Variants in POLA1 observed in about 807,000 individuals in gnomAD.
The protein encoded by POLA1 is DNA polymerase alpha 1, catalytic subunit.
A neutral mutation model predicts 124.0 loss-of-function variants in POLA1; 15 were observed. That is an observed-to-expected ratio of 0.12 (90% CI 0.08 to 0.19). The LOEUF is 0.19. Ranked by LOEUF, POLA1 falls within the 10% of genes least tolerant of loss-of-function variation. The probability of loss-of-function intolerance (pLI) is 1.00; values close to 1 mark genes in which losing one functional copy is unlikely to be tolerated. For synonymous variants in POLA1, 408 were observed against 389.4 expected (o/e 1.05, Z -0.56); for missense variants, 886 against 1,103.4 (o/e 0.80, Z 2.79).
chrX:24,855,120 TAAATA>T (rs753161383), intron 34 of POLA1, among the ~76,000 whole-genome samples: 1 of 111,106 alleles, frequency 9.0e-6, no homozygotes, highest in Admixed American at 9.6e-5. Context: ...CAAGTGTAAA[TAAATA>T]ATTGGAAAGA....
At chrX:24,713,831 A>G (rs2148339362) in intron 4 of POLA1, among the ~76,000 whole-genome samples, 1 of 112,283 alleles carries the variant, frequency 8.9e-6, no homozygotes, top group Non-Finnish European at 1.9e-5. Flanking sequence ...ACCATATCAT[A>G]ATTGGTAATC....
chrX:24,794,994 T>C (rs2045579941), intron 26 of POLA1, among the ~76,000 whole-genome samples: 1 of 110,879 alleles, frequency 9.0e-6, no homozygotes, highest in African/African-American at 3.3e-5. Flanking sequence ...GATAGTGGTA[T>C]AGGGGAAAAA....
At chrX:24,712,946 C>T (rs552278856) in intron 4 of POLA1, among the ~76,000 whole-genome samples, 1 of 111,715 alleles carries the variant, frequency 9.0e-6, no homozygotes, top group South Asian at 3.7e-4. Context: ...GCCACTACCA[C>T]ATTCTTATTT....
chrX:24,765,813 G>A (rs1384565521), intron 26 of POLA1, among the ~76,000 whole-genome samples: 1 of 112,085 alleles, frequency 8.9e-6, no homozygotes, highest in African/African-American at 3.2e-5. Context: ...AGATAGTTGA[G>A]GTTGGTAATG....
chrX:24,863,017 A>C (rs2046738503), intron 34 of POLA1, among the ~76,000 whole-genome samples: 1 of 112,225 alleles, frequency 8.9e-6, no homozygotes, highest in Non-Finnish European at 1.9e-5. Flanking sequence ...CTTTCTAGTC[A>C]TTTTAAACTC....
chrX:24,835,520 A>T (rs2147048196), intron 32 of POLA1, among the ~76,000 whole-genome samples: 1 of 110,215 alleles, frequency 9.1e-6, no homozygotes, highest in South Asian at 3.9e-4. Flanking sequence ...CCTTGTTTGG[A>T]TTGGAATCCA....
intron 36 of POLA1, among the ~76,000 whole-genome samples, chrX:24,951,087 C>T (rs937445480): frequency 9.0e-6 from 1 of 111,011 alleles, no homozygotes; most frequent in East Asian, 2.8e-4. Context: ...AGCTTATAAC[C>T]AGGGACAGCA....
intron 32 of POLA1, among the ~76,000 whole-genome samples, chrX:24,832,756 A>G (rs1388113023): frequency 8.9e-6 from 1 of 112,008 alleles, no homozygotes; most frequent in Non-Finnish European, 1.9e-5. Context: ...TGTATTATAT[A>G]TGTGTATGAA....
intron 26 of POLA1, 116 bp downstream of exon 26, chrX:24,749,108 C>T (rs920628360): frequency 2.7e-5 from 14 of 522,685 alleles, no homozygotes; most frequent in African/African-American, 1.9e-4. Context: ...ATACAGTACC[C>T]CTCTCTTTGG....
intron 35 of POLA1, among the ~76,000 whole-genome samples, chrX:24,920,202 A>C (rs1328052424): frequency 9.0e-6 from 1 of 111,028 alleles, no homozygotes; most frequent in Admixed American, 9.6e-5. Flanking sequence ...GCAATTTCTA[A>C]AGGTGCTTCT....
At chrX:24,983,794 C>T (rs1318329306) in intron 36 of POLA1, among the ~76,000 whole-genome samples, 3 of 107,377 alleles carry the variant, frequency 2.8e-5, no homozygotes, top group African/African-American at 1.0e-4. Context: ...TTGTGTAGAT[C>T]GTCCTGTCTT....
intron 36 of POLA1, among the ~76,000 whole-genome samples, chrX:24,952,460 G>C (rs921178798): frequency 1.9e-4 from 21 of 111,677 alleles, no homozygotes; most frequent in African/African-American, 6.8e-4. Flanking sequence ...TATCCTGAAA[G>C]GGTAGTGTCT....
intron 20 of POLA1, among the ~76,000 whole-genome samples, chrX:24,740,525 A>C (rs574121651): frequency 4.5e-5 from 5 of 112,196 alleles, no homozygotes; most frequent in African/African-American, 1.6e-4. Context: ...TACTCTGCTC[A>C]GAACCTTCCA....
intron 36 of POLA1, among the ~76,000 whole-genome samples, chrX:24,980,717 T>C (rs972756499): frequency 9.0e-6 from 1 of 110,995 alleles, no homozygotes; most frequent in Non-Finnish European, 1.9e-5. Context: ...TTTTCACTTG[T>C]AGACTAGAGT....
At chrX:24,870,278 C>T (rs2046847768) in intron 34 of POLA1, among the ~76,000 whole-genome samples, 1 of 111,935 alleles carries the variant, frequency 8.9e-6, no homozygotes, top group Non-Finnish European at 1.9e-5. Flanking sequence ...GGTATGTGAC[C>T]ACTTGAAGCA....
chrX:24,812,596 A>C, intron 28 of POLA1, 62 bp from the exon 29 acceptor site: 1 of 671,431 alleles, frequency 1.5e-6, no homozygotes, highest in African/African-American at 2.2e-5. Flanking sequence ...AATTTGTAAC[A>C]TGTTCATCTT....
At chrX:24,850,048 C>T (rs7888263) in intron 34 of POLA1, among the ~76,000 whole-genome samples, 5,223 of 112,226 alleles carry the variant, frequency 0.047, 288 homozygotes, top group African/African-American at 0.16. Context: ...GTTGAGATTA[C>T]AGGCGTGAGC....
intron 35 of POLA1, among the ~76,000 whole-genome samples, chrX:24,919,820 GTTTTT>G (rs1324232190): frequency 3.4e-5 from 1 of 29,594 alleles, no homozygotes; most frequent in African/African-American, 1.2e-4. Context: ...TTTTTTTTTT[GTTTTT>G]TTTTTTGTTT....
chrX:24,725,031 T>C (rs1930447907), intron 12 of POLA1, among the ~76,000 whole-genome samples: 1 of 110,832 alleles, frequency 9.0e-6, no homozygotes, highest in Admixed American at 9.7e-5. Flanking sequence ...TATTAACTAT[T>C]TGAGTTTTGA....
Sources: allele counts gnomAD v4.1 joint callset (sites outside exome capture counted in the v4.1 genomes callset), GRCh38; gene constraint gnomAD v4.1.1; transcripts MANE v1.5; gene names NCBI Gene and HGNC (gene_info 2026-07-23, HGNC 2026-07-21).